DAZAP1: variants seen among roughly 807,000 people sequenced by gnomAD.
The protein encoded by DAZAP1 is DAZ associated protein 1.
A neutral mutation model predicts 60.1 loss-of-function variants in DAZAP1; 6 were observed. The observed-to-expected ratio is 0.10, with a 90% confidence interval of 0.05 to 0.20. DAZAP1 has a LOEUF of 0.20. DAZAP1 is among the 10% of genes least tolerant of loss of function. The probability of loss-of-function intolerance (pLI) is 1.00; values close to 1 mark genes in which losing one functional copy is unlikely to be tolerated. For synonymous variants in DAZAP1, 235 were observed against 215.9 expected (o/e 1.09, Z -0.78); for missense variants, 366 against 560.4 (o/e 0.65, Z 3.50).
chr19:1,428,474 C>G lies in DAZAP1; in HGVS notation c.547-368C>G. Reference sequence around the variant, plus strand: ...TGCCGATTGCTGGGAAGATCCTGGTCCCTTTTTGTCCCCATGTTTTCAAGA... The same window carrying G: ...TGCCGATTGCTGGGAAGATCCTGGTGCCTTTTTGTCCCCATGTTTTCAAGA... On this transcript the variant is annotated intron_variant, in intron 7 of 11. Transcript: ENST00000233078. The surrounding 1 kb of genome is among the most constrained non-coding windows in gnomAD (Gnocchi z 4.0). 5.1e-6 allele frequency: 1 copy of G among 196,230 alleles called. No individual in the cohort carries two copies. Among genetic ancestry groups the G allele is most frequent in the South Asian group, 9.2e-5 (1 of 10,886 alleles). 12.2% of individuals were successfully genotyped at this position (196,230 alleles called of 1,614,324 possible).
At chr19:1,419,265 C>A (rs1295501590) in intron 4 of DAZAP1, among the ~76,000 whole-genome samples, 1 of 152,230 alleles carries the variant, frequency 6.6e-6, no homozygotes, top group African/African-American at 2.4e-5. Flanking sequence ...TCCTCCAGCC[C>A]TGCAGTTCTC....
chr19:1,430,270 C>CCCCCCCA lies in DAZAP1; in HGVS notation c.779_780insCCCCCCA (p.Phe262ProfsTer167). 1 of 1,368,648 alleles carries CCCCCCCA rather than the reference C, an allele frequency of 7.3e-7. No individual in the cohort carries two copies. The allele number at this position is 1,368,648 out of a possible 1,614,324, so 84.8% of individuals were successfully genotyped here. ...GGAAGAGGAGCCCCCCCGCCACCCC[C>CCCCCCCA]ACCGTTCACCTCCTACATCGTGTCC... On this transcript the variant is annotated frameshift_variant, in exon 10 of 12. Transcript: ENST00000233078. LOFTEE classifies it high-confidence loss of function.
chr19:1,435,134 A>G lies in DAZAP1; in HGVS notation c.*222A>G, dbSNP rs865861659. On this transcript the variant is annotated 3_prime_UTR_variant, in exon 12 of 12. Transcript: ENST00000233078. ...ACAATAAAAAAAAGTCACTGGTTCA[A>G]CAACAGGGTTTAAAAAAAATGTCTT... 4 of 329,932 alleles carry G rather than the reference A, an allele frequency of 1.2e-5. No homozygotes were observed. The highest frequency in any genetic ancestry group is 6.4e-5 in the African/African-American group (3 of 47,220). 20.4% of individuals were successfully genotyped at this position (329,932 alleles called of 1,614,324 possible). A position where few individuals can be genotyped will look rare whatever the true frequency, so the allele number is the denominator to read the frequency against.
chr19:1,433,443 C>A lies in DAZAP1; in HGVS notation c.1048+753C>A. On this transcript the variant is annotated intron_variant, in intron 11 of 11. Transcript: ENST00000233078. The surrounding 1 kb of genome is among the most constrained non-coding windows in gnomAD (Gnocchi z 6.1). Reference sequence around the variant, plus strand: ...CTGTCTGCAGGTGGCCACGGGCTTCCGGGGTGCCTGTGAACACGCTTCCTC... The same window carrying A: ...CTGTCTGCAGGTGGCCACGGGCTTCAGGGGTGCCTGTGAACACGCTTCCTC... 2.3e-6 allele frequency: 1 copy of A among 427,878 alleles called. No individual in the cohort carries two copies. Among genetic ancestry groups the A allele is most frequent in the Non-Finnish European group, 4.3e-6 (1 of 233,088 alleles). The allele number at this position is 427,878 out of a possible 1,614,324, so 26.5% of individuals were successfully genotyped here. A position where few individuals can be genotyped will look rare whatever the true frequency, so the allele number is the denominator to read the frequency against.
At position 1,418,190 on chromosome 19, in the gene DAZAP1, C is replaced by T. The variant is rs199735627; in HGVS notation, c.71-14C>T. 7.6e-5 allele frequency: 122 copies of T among 1,613,088 alleles called. No homozygotes were observed. Among genetic ancestry groups the T allele is most frequent in the Middle Eastern group, 3.3e-4 (2 of 6,058 alleles). ...GCCCTGTGTGTTTGTGTTTTCTTCC[C>T]GATTTCTGAGCAGAGACTCTGCGCA... On this transcript the variant is annotated splice_polypyrimidine_tract_variant and intron_variant, in intron 2 of 11. Coordinates refer to ENST00000233078, the MANE Select transcript of DAZAP1 (RefSeq NM_018959.4). This position sits in a 1 kb window ranked among gnomAD's most constrained non-coding sequence, Gnocchi z 5.7.
chr19:1,426,303 A>C lies in DAZAP1; in HGVS notation c.546+343A>C. ...TGCCTCAGGCTTGGTTTCCACGACC[A>C]CTCCTTCAGATGTCTGCAAATCCCC... is the stretch of plus-strand genomic sequence containing the variant. On this transcript the variant is annotated intron_variant, in intron 7 of 11. Coordinates refer to ENST00000233078, the MANE Select transcript of DAZAP1 (RefSeq NM_018959.4). This position sits in a 1 kb window ranked among gnomAD's most constrained non-coding sequence, Gnocchi z 5.4. The C allele has an allele frequency of 3.1e-6, 1 of 317,816 alleles. No homozygotes were observed. Among genetic ancestry groups the C allele is most frequent in the South Asian group, 3.0e-5 (1 of 33,852 alleles). 19.7% of individuals were successfully genotyped at this position (317,816 alleles called of 1,614,324 possible). A position where few individuals can be genotyped will look rare whatever the true frequency, so the allele number is the denominator to read the frequency against.
intron 1 of DAZAP1, among the ~76,000 whole-genome samples, chr19:1,415,351 TTATGTGTGTGTG>T (rs1262218173): frequency 1.0e-4 from 7 of 69,942 alleles, no homozygotes; most frequent in Admixed American, 5.8e-4. Context: ...TTTCAGGGTT[TTATGTGTGTGTG>T]TGTGTGTGTG....
At position 1,430,432 on chromosome 19, in the gene DAZAP1, T is replaced by C. The variant is rs1053287055; in HGVS notation, c.871+70T>C. On this transcript the variant is annotated intron_variant, in intron 10 of 11. Transcript: ENST00000233078. ...AGATGCCAGGTGGTGGGCGGGGTGA[T>C]GGGGAGTCTTGTGTTACACGTCTGG... The C allele has an allele frequency of 4.1e-5, 57 of 1,384,938 alleles. 1 individual carries two copies. The African/African-American group carries it at 6.4e-4, about 15-fold the overall frequency. 85.8% of individuals were successfully genotyped at this position (1,384,938 alleles called of 1,614,324 possible).
Position 1,428,254 on chromosome 19 carries a change from TATCAC to T in DAZAP1, c.547-584_547-580del, listed in dbSNP as rs2083353302. 1 of 152,336 alleles carries T rather than the reference TATCAC, an allele frequency of 6.6e-6. No homozygotes were observed. The highest frequency in any genetic ancestry group is 1.5e-5 in the Non-Finnish European group (1 of 68,116). 9.4% of individuals were successfully genotyped at this position (152,336 alleles called of 1,614,324 possible). On this transcript the variant is annotated intron_variant, in intron 7 of 11. Coordinates refer to ENST00000233078, the MANE Select transcript of DAZAP1 (RefSeq NM_018959.4). The surrounding 1 kb of genome is among the most constrained non-coding windows in gnomAD (Gnocchi z 4.0). Reference sequence around the variant, plus strand: ...TGTTAGATGTAATGTAAGATTCTCTTATCACATCCATTCCCTCTGACATTAGTTTT... The same window carrying T: ...TGTTAGATGTAATGTAAGATTCTCTTATCCATTCCCTCTGACATTAGTTTT...
At chr19:1,420,743 T>C (rs1349886854) in intron 4 of DAZAP1, among the ~76,000 whole-genome samples, 1 of 152,240 alleles carries the variant, frequency 6.6e-6, no homozygotes, top group Non-Finnish European at 1.5e-5. Context: ...CTGCTGGAGA[T>C]GTACAGCCTG....
rs1323803153 is a variant in DAZAP1 at position 1,418,234 on chromosome 19, G to C, written c.101G>C (p.Gly34Ala). 1.9e-6 allele frequency: 3 copies of C among 1,614,172 alleles called. No individual in the cohort carries two copies. Among genetic ancestry groups the C allele is most frequent in the Non-Finnish European group, 2.5e-6 (3 of 1,180,036 alleles). Residue 34 changes from glycine to alanine, a missense_variant, in exon 3 of 12, where the codon GGA becomes GCA. Gly to Ala is a moderately conservative substitution (Grantham distance 60, BLOSUM62 0). Transcript: ENST00000233078. The surrounding 1 kb of genome is among the most constrained non-coding windows in gnomAD (Gnocchi z 5.7). ...CTGCGCAGCTACTTTTCCCAATATG[G>C]AGAAGTCGTAGATTGTGTTATCATG... ...ETLRSYFSQY[G>A]EVVDCVIMKD...
At position 1,418,548 on chromosome 19, in the gene DAZAP1, G is replaced by A; in HGVS notation, c.238-118G>A. ...TATTGCAGGAGGATACAGGGTGAAT[G>A]GAGCCGGCGGGGCGGGGCGGGCCGG... On this transcript the variant is annotated intron_variant, in intron 3 of 11. Transcript: ENST00000233078. The surrounding 1 kb of genome is among the most constrained non-coding windows in gnomAD (Gnocchi z 5.7). The A allele has an allele frequency of 6.8e-7, 1 of 1,466,324 alleles. No homozygotes were observed. The allele number at this position is 1,466,324 out of a possible 1,614,324, so 90.8% of individuals were successfully genotyped here.
chr19:1,419,464 C>T (rs1488568542), intron 4 of DAZAP1, among the ~76,000 whole-genome samples: 1 of 152,208 alleles, frequency 6.6e-6, no homozygotes, highest in African/African-American at 2.4e-5. Flanking sequence ...TTCCTAAGGA[C>T]CGGAGGGTGC....
intron 1 of DAZAP1, among the ~76,000 whole-genome samples, chr19:1,414,206 T>C (rs1291416122): frequency 6.6e-6 from 1 of 151,416 alleles, no homozygotes; most frequent in Admixed American, 6.6e-5. Flanking sequence ...TTAGTAGAGA[T>C]GGGGTTTTGC....
chr19:1,419,699 G>A (rs2083090527), intron 4 of DAZAP1, among the ~76,000 whole-genome samples: 1 of 152,088 alleles, frequency 6.6e-6, no homozygotes, highest in Non-Finnish European at 1.5e-5. Context: ...TGGGCACGTA[G>A]TAAACTGCAC....
intron 8 of DAZAP1, among the ~76,000 whole-genome samples, chr19:1,429,547 C>T (rs987864990): frequency 6.6e-6 from 1 of 152,358 alleles, no homozygotes; most frequent in Middle Eastern, 3.4e-3. Flanking sequence ...GTACGTCGTC[C>T]GGGTCCCGAG....
chr19:1,412,627 G>A (rs1433168391), intron 1 of DAZAP1, among the ~76,000 whole-genome samples: 1 of 152,244 alleles, frequency 6.6e-6, no homozygotes, highest in Non-Finnish European at 1.5e-5. Flanking sequence ...AGGAGGTCAG[G>A]GCTCTTTGTG....
chr19:1,414,422 TTCTC>T (rs919859412), intron 1 of DAZAP1, among the ~76,000 whole-genome samples: 37 of 152,340 alleles, frequency 2.4e-4, no homozygotes, highest in African/African-American at 8.9e-4. Flanking sequence ...AACAATGACA[TTCTC>T]TCACATGAAC....
Position 1,433,547 on chromosome 19 carries a change from C to A in DAZAP1, c.1048+857C>A. ...CACCCACCTCGCATGGCTGTGGTTCCCCTGCCCCCACGCCCAGGCCTTGGG... is the reference window on the plus strand; with the variant it reads ...CACCCACCTCGCATGGCTGTGGTTCACCTGCCCCCACGCCCAGGCCTTGGG... On this transcript the variant is annotated intron_variant, in intron 11 of 11. Transcript: ENST00000233078. This position sits in a 1 kb window ranked among gnomAD's most constrained non-coding sequence, Gnocchi z 6.1. 1 of 585,938 alleles carries A rather than the reference C, an allele frequency of 1.7e-6. No individual in the cohort carries two copies. Among genetic ancestry groups the A allele is most frequent in the East Asian group, 2.9e-5 (1 of 34,930 alleles). The allele number at this position is 585,938 out of a possible 1,614,324, so 36.3% of individuals were successfully genotyped here.
Sources: gnomAD v4.1 joint callset for allele counts (sites outside exome capture counted in the v4.1 genomes callset) on GRCh38, gnomAD v4.1.1 for gene constraint, Gnocchi (gnomAD v3.1) non-coding constraint, MANE v1.5 for transcripts, NCBI Gene and HGNC (gene_info 2026-07-23, HGNC 2026-07-21) for gene names.